The following RNLS variants were observed in gnomAD, a reference collection of about 807,000 sequenced individuals.
The protein encoded by RNLS is renalase.
RNLS carries 39 observed loss-of-function variants against 39.8 expected under a neutral mutation model. That is an observed-to-expected ratio of 0.98 (90% CI 0.76 to 1.28). The LOEUF (loss-of-function observed/expected upper bound fraction) is 1.28, where lower values mean the gene tolerates loss of function less well. RNLS is among the 50% of genes most tolerant of loss of function. The probability of loss-of-function intolerance (pLI) is 0.00; values close to 1 mark genes in which losing one functional copy is unlikely to be tolerated. For synonymous variants in RNLS, 147 were observed against 150.7 expected (o/e 0.98, Z 0.18); for missense variants, 410 against 413.3 (o/e 0.99, Z 0.07).
At chr10:88,449,006 C>G (rs531586238) in intron 4 of RNLS, among the ~76,000 whole-genome samples, 1 of 151,850 alleles carries the variant, frequency 6.6e-6, no homozygotes, top group South Asian at 2.1e-4. Context: ...TTGTGCAGTG[C>G]GGGGAGGGAG....
chr10:88,467,471 C>A (rs750165737), intron 4 of RNLS, among the ~76,000 whole-genome samples: 13 of 152,052 alleles, frequency 8.5e-5, no homozygotes, highest in Admixed American at 8.5e-4. Flanking sequence ...CTTTAGACTT[C>A]TTTTAGGACT....
intron 4 of RNLS, among the ~76,000 whole-genome samples, chr10:88,375,536 T>G (rs959889021): frequency 1.3e-5 from 2 of 152,150 alleles, no homozygotes; most frequent in African/African-American, 4.8e-5. Flanking sequence ...AGATGGCAGA[T>G]TACAACATTA....
At chr10:88,175,223 T>C in the RNLS span, among the ~76,000 whole-genome samples, 1 of 152,248 alleles carries the variant, frequency 6.6e-6, no homozygotes, top group South Asian at 2.1e-4. Context: ...GTTCATCTTT[T>C]GTATTTTGGG....
chr10:88,364,635 C>G (rs985789146), intron 4 of RNLS, among the ~76,000 whole-genome samples: 6 of 152,112 alleles, frequency 3.9e-5, no homozygotes, highest in African/African-American at 1.4e-4. Context: ...TTGCTTTCTC[C>G]TGTGACATTA....
the RNLS span, among the ~76,000 whole-genome samples, chr10:88,266,694 TACACACACACACACACAC>T: frequency 8.9e-5 from 12 of 134,212 alleles, no homozygotes; most frequent in South Asian, 2.5e-4. Flanking sequence ...TTCTTTTAAA[TACACACACACACACACAC>T]ACACACACAC....
At chr10:88,561,773 C>T (rs1473707242) in intron 4 of RNLS, among the ~76,000 whole-genome samples, 3 of 151,988 alleles carry the variant, frequency 2.0e-5, no homozygotes, top group Non-Finnish European at 4.4e-5. Context: ...AAATGCTAGT[C>T]TAGGAAATAT....
chr10:88,526,698 T>G (rs79620534), intron 4 of RNLS, among the ~76,000 whole-genome samples: 1 of 151,654 alleles, frequency 6.6e-6, no homozygotes, highest in East Asian at 2.0e-4. Context: ...CTCAGGAGTT[T>G]GAGGTTACAG....
chr10:88,496,707 AG>A (rs1564847860), intron 4 of RNLS, among the ~76,000 whole-genome samples: 1 of 152,160 alleles, frequency 6.6e-6, no homozygotes, highest in African/African-American at 2.4e-5. Context: ...ATAGAGGAGA[AG>A]GGTTAAAGCT....
intron 4 of RNLS, among the ~76,000 whole-genome samples, chr10:88,500,274 T>C (rs1008833207): frequency 1.3e-5 from 2 of 152,136 alleles, no homozygotes; most frequent in Non-Finnish European, 2.9e-5. Context: ...CCTACACTAA[T>C]TCCACAGGAG....
At chr10:88,448,445 A>G (rs975153007) in intron 4 of RNLS, among the ~76,000 whole-genome samples, 1 of 152,160 alleles carries the variant, frequency 6.6e-6, no homozygotes, top group Non-Finnish European at 1.5e-5. Flanking sequence ...CAAAACCACA[A>G]TGAGATACCA....
chr10:88,223,389 C>A, the RNLS span, among the ~76,000 whole-genome samples: 1 of 152,136 alleles, frequency 6.6e-6, no homozygotes, highest in African/African-American at 2.4e-5. Flanking sequence ...AATATTCCCA[C>A]AAAAGGAGTC....
the RNLS span, among the ~76,000 whole-genome samples, chr10:88,200,487 A>G: frequency 3.9e-5 from 6 of 152,342 alleles, no homozygotes; most frequent in African/African-American, 1.4e-4. Flanking sequence ...CAGATGCCTC[A>G]TGACTCTACC....
intron 4 of RNLS, among the ~76,000 whole-genome samples, chr10:88,457,303 G>C (rs755897995): frequency 2.0e-5 from 3 of 152,138 alleles, no homozygotes; most frequent in Non-Finnish European, 4.4e-5. Context: ...AAGAGTTTGG[G>C]GATATGTGTG....
intron 5 of RNLS, among the ~76,000 whole-genome samples, chr10:88,340,360 G>A (rs1847838747): frequency 6.6e-6 from 1 of 152,198 alleles, no homozygotes; most frequent in Non-Finnish European, 1.5e-5. Flanking sequence ...TTGGTTTTGT[G>A]AGACAGATCT....
rs568569058 is a variant in RNLS at position 88,314,733 on chromosome 10, C to A, written c.701-92G>T. Reference sequence around the variant, plus strand: ...TCAATTCAGACTTAAGAACTGATCACAATAATCAAGCAATAAATGGAGGAA... The same window carrying A: ...TCAATTCAGACTTAAGAACTGATCAAAATAATCAAGCAATAAATGGAGGAA... On this transcript the variant is annotated intron_variant, in intron 5 of 6. Transcript: ENST00000331772. The A allele has an allele frequency of 5.4e-4, 576 of 1,067,918 alleles. No homozygotes were observed. Among genetic ancestry groups the A allele is most frequent in the African/African-American group, 2.4e-3 (151 of 61,648 alleles). 66.2% of individuals were successfully genotyped at this position (1,067,918 alleles called of 1,614,324 possible).
intron 6 of RNLS, among the ~76,000 whole-genome samples, chr10:88,287,530 GAT>G (rs1299757872): frequency 2.0e-5 from 3 of 152,130 alleles, no homozygotes; most frequent in Non-Finnish European, 4.4e-5. Context: ...TTCAGAATGT[GAT>G]AACCAATAGT....
chr10:88,193,520 CTT>C, the RNLS span, among the ~76,000 whole-genome samples: 1 of 152,128 alleles, frequency 6.6e-6, no homozygotes, highest in Non-Finnish European at 1.5e-5. Flanking sequence ...GCCTCTGAAT[CTT>C]TGCTTGAATA....
the RNLS span, among the ~76,000 whole-genome samples, chr10:88,214,951 T>A: frequency 2.6e-5 from 4 of 152,172 alleles, no homozygotes; most frequent in African/African-American, 9.7e-5. Flanking sequence ...TATTTGTATT[T>A]AACTCAATCA....
intron 6 of RNLS, among the ~76,000 whole-genome samples, chr10:88,291,523 G>T (rs189868461): frequency 6.6e-6 from 1 of 152,136 alleles, no homozygotes; most frequent in African/African-American, 2.4e-5. Flanking sequence ...CTAATCAATT[G>T]TGGCATTCTT....
Sources: gnomAD v4.1 joint callset for allele counts (sites outside exome capture counted in the v4.1 genomes callset) on GRCh38, gnomAD v4.1.1 for gene constraint, MANE v1.5 for transcripts, NCBI Gene and HGNC (gene_info 2026-07-23, HGNC 2026-07-21) for gene names.